The following ETFRF1 variants were observed in gnomAD, a reference collection of about 807,000 sequenced individuals.
ETFRF1 encodes the protein LYR motif containing 5.
In ETFRF1, 12 loss-of-function variants were observed where a neutral mutation model predicts 9.0. The observed-to-expected ratio is 1.34, with a 90% CI of 0.86 to 2.16. ETFRF1 has a LOEUF of 2.16. Ranked by LOEUF, ETFRF1 falls within the 30% of genes most tolerant of loss-of-function variation. ETFRF1 has a pLI of 0.00. For missense variants in ETFRF1, 98 were observed against 101.8 expected (o/e 0.96, Z 0.16); for synonymous variants, 34 against 33.2 (o/e 1.02, Z -0.08).
rs1951065775 is a variant in ETFRF1, at chr12:25,200,414, GT to G, written c.-37-3505del. On this transcript the variant is annotated intron_variant, in intron 1 of 2. Coordinates refer to ENST00000381356, the MANE Select transcript of ETFRF1 (RefSeq NM_001001660.3). ...ATTGCAAGGGCCAACTGAGTGTCCA[GT>G]ACAATGGATAAAAATAAATCCATTA... Among the ~76,000 whole-genome samples, 2 of 152,130 alleles carry G rather than the reference GT, an allele frequency of 1.3e-5. 1 individual carries two copies. The highest frequency in any genetic ancestry group is 4.1e-4 in the South Asian group (2 of 4,828).
At chr12:25,199,477 A>G (rs1468247175) in intron 1 of ETFRF1, among the ~76,000 whole-genome samples, 3 of 150,746 alleles carry the variant, frequency 2.0e-5, no homozygotes, top group Non-Finnish European at 3.0e-5. Flanking sequence ...TTGTCAATAT[A>G]TATTTTAATA....
chr12:25,203,079 A>G (rs926333739), intron 1 of ETFRF1, among the ~76,000 whole-genome samples: 2 of 152,218 alleles, frequency 1.3e-5, no homozygotes, highest in African/African-American at 4.8e-5. Flanking sequence ...TAATTTTACA[A>G]TGGACAATCT....
Position 25,203,986 on chromosome 12 carries a change from A to C in ETFRF1, c.30A>C (p.Glu10Asp). The change falls in exon 2 of 3, where the codon GAA (glutamate) becomes GAC (aspartate). Residue 10 changes from glutamate (E) to aspartate (D), a missense_variant. Glu to Asp is a conservative substitution (Grantham distance 45, BLOSUM62 2). Transcript: ENST00000381356. MKMANSLRG[E>D]VLKLYKNLLY... ...AAATGGCCAATTCTTTAAGAGGAGA[A>C]GTACTAAAACTTTATAAAAATGTAA... is the stretch of plus-strand genomic sequence containing the variant. 1.3e-6 allele frequency: 2 copies of C among 1,492,772 alleles called. No homozygotes were observed. Among genetic ancestry groups the C allele is most frequent in the South Asian group, 1.3e-5 (1 of 74,096 alleles). The allele number at this position is 1,492,772 out of a possible 1,614,324, so 92.5% of individuals were successfully genotyped here. A position where few individuals can be genotyped will look rare whatever the true frequency, so the allele number is the denominator to read the frequency against.
rs571546630 is a variant in ETFRF1, at chr12:25,197,485, CAG to C, written c.-38+2149_-38+2150del. ...GTTTTTTGTTTGTTTTGTTTTGAGA[CAG>C]GGTCTCAAAATGAATTTTGCCCAGG... On this transcript the variant is annotated intron_variant, in intron 1 of 2. Transcript: ENST00000381356. 2.6e-3 allele frequency among the ~76,000 whole-genome samples: 400 copies of C among 152,272 alleles called. 1 individual carries two copies. The highest frequency in any genetic ancestry group is 4.0e-3 in the Non-Finnish European group (274 of 68,020).
chr12:25,203,641 C>CCTAT, intron 1 of ETFRF1: 1 of 252,698 alleles, frequency 4.0e-6, no homozygotes, highest in Non-Finnish European at 7.4e-6. Flanking sequence ...GGTACACGTA[C>CCTAT]CTATCTGTGA....
intron 1 of ETFRF1, among the ~76,000 whole-genome samples, chr12:25,203,369 T>G (rs917848003): frequency 2.0e-5 from 3 of 152,210 alleles, no homozygotes; most frequent in African/African-American, 7.2e-5. Flanking sequence ...CCAATCTTAC[T>G]GCCCATCTAC....
chr12:25,202,063 C>CA lies in ETFRF1; in HGVS notation c.-37-1837dup, dbSNP rs149050811. Among the ~76,000 whole-genome samples the CA allele has an allele frequency of 8.6e-3, 452 of 52,812 alleles. 22 individuals carry two copies. Among genetic ancestry groups the CA allele is most frequent in the Middle Eastern group, 0.045 (4 of 88 alleles). 34.6% of individuals were successfully genotyped at this position (52,812 alleles called of 152,430 possible). On this transcript the variant is annotated intron_variant, in intron 1 of 2. Coordinates refer to ENST00000381356, the MANE Select transcript of ETFRF1 (RefSeq NM_001001660.3). ...GTGAAACCCCGTCTCTACTGAAATA[C>CA]AAAAAAAAAAAAAAAAAAAATTAGC...
intron 1 of ETFRF1, among the ~76,000 whole-genome samples, chr12:25,200,211 T>TA (rs137955248): frequency 4.0e-4 from 59 of 147,378 alleles, no homozygotes; most frequent in Non-Finnish European, 3.3e-4. Flanking sequence ...ACTCCATGCT[T>TA]AAAAAAAAAA....
In ETFRF1 at chr12:25,195,331, C is replaced by T; in HGVS notation, c.-44C>T. 1 of 600,464 alleles carries T rather than the reference C, an allele frequency of 1.7e-6. No homozygotes were observed. The highest frequency in any genetic ancestry group is 2.0e-5 in the South Asian group (1 of 50,566). 37.2% of individuals were successfully genotyped at this position (600,464 alleles called of 1,614,324 possible). A position where few individuals can be genotyped will look rare whatever the true frequency, so the allele number is the denominator to read the frequency against. On this transcript the variant is annotated 5_prime_UTR_variant, in exon 1 of 3. Transcript: ENST00000381356. ...TCGAGGCTTTTGCGGCTCCGGCGTG[C>T]CGGAAAGTGCGTGAGTGCCGCCGCC...
chr12:25,204,014 A>G lies in ETFRF1; in HGVS notation c.51+7A>G, dbSNP rs1301272069. ...ACTAAAACTTTATAAAAATGTAAGT[A>G]ATTATGTTGCCAATTTTATAAAAAT... On this transcript the variant is annotated splice_region_variant and intron_variant, in intron 2 of 2. Transcript: ENST00000381356. 1.3e-6 allele frequency: 2 copies of G among 1,517,334 alleles called. No homozygotes were observed. The highest frequency in any genetic ancestry group is 1.8e-6 in the Non-Finnish European group (2 of 1,132,762). 94.0% of individuals were successfully genotyped at this position (1,517,334 alleles called of 1,614,324 possible). A position where few individuals can be genotyped will look rare whatever the true frequency, so the allele number is the denominator to read the frequency against.
chr12:25,195,598 C>A (rs909820831), intron 1 of ETFRF1: 2 of 180,392 alleles, frequency 1.1e-5, no homozygotes, highest in South Asian at 1.1e-4. Flanking sequence ...GGGGATGGGG[C>A]TCATTCCGCA....
Position 25,196,676 on chromosome 12 carries a change from C to T in ETFRF1, c.-38+1339C>T, listed in dbSNP as rs1377938173. On this transcript the variant is annotated intron_variant, in intron 1 of 2. Transcript: ENST00000381356. ...GTTTTCAGAATAATAGGGGGCTTCT[C>T]TTAGTCCTTAACTCTTGGCTCTTTA... Among the ~76,000 whole-genome samples the T allele has an allele frequency of 3.3e-5, 5 of 152,216 alleles. No homozygotes were observed. In the East Asian group the frequency reaches 9.6e-4, roughly 29 times the overall value.
At chr12:25,200,763 G>C (rs1051645638) in intron 1 of ETFRF1, among the ~76,000 whole-genome samples, 6 of 152,114 alleles carry the variant, frequency 3.9e-5, no homozygotes, top group African/African-American at 1.4e-4. Flanking sequence ...ATAAAACCAG[G>C]AAATGGAACA....
chr12:25,195,817 AGTTT>A (rs1005232944), intron 1 of ETFRF1: 1 of 152,366 alleles, frequency 6.6e-6, no homozygotes, highest in Non-Finnish European at 1.5e-5. Flanking sequence ...AAGACTCATT[AGTTT>A]CCCGAGGTCA....
chr12:25,196,466 G>GT (rs1262452873), intron 1 of ETFRF1, among the ~76,000 whole-genome samples: 6 of 152,172 alleles, frequency 3.9e-5, no homozygotes, highest in Non-Finnish European at 7.3e-5. Flanking sequence ...AGCTCTCACT[G>GT]TATCTACCCC....
intron 1 of ETFRF1, among the ~76,000 whole-genome samples, chr12:25,201,183 C>A (rs1951070828): frequency 6.6e-6 from 1 of 152,196 alleles, no homozygotes; most frequent in Admixed American, 6.5e-5. Context: ...TCCTCCTTCC[C>A]ATTTTTGCTA....
intron 1 of ETFRF1, 94 bp downstream of exon 1, chr12:25,195,431 G>A (rs1011311299): frequency 8.1e-6 from 4 of 490,892 alleles, no homozygotes; most frequent in African/African-American, 5.8e-5. Context: ...CACCGGGTGT[G>A]GGAAGAGGGT....
At chr12:25,198,482 A>G (rs915832508) in intron 1 of ETFRF1, among the ~76,000 whole-genome samples, 2 of 152,186 alleles carry the variant, frequency 1.3e-5, no homozygotes, top group Non-Finnish European at 2.9e-5. Flanking sequence ...AAGAGTAGAC[A>G]GAAAAGAATG....
At chr12:25,202,970 G>A (rs1424509681) in intron 1 of ETFRF1, among the ~76,000 whole-genome samples, 1 of 152,154 alleles carries the variant, frequency 6.6e-6, no homozygotes, top group African/African-American at 2.4e-5. Flanking sequence ...ATGGTGATTA[G>A]CATTTTTAGC....
Sources: gnomAD v4.1 joint callset for allele counts (sites outside exome capture counted in the v4.1 genomes callset) on GRCh38, gnomAD v4.1.1 for gene constraint, MANE v1.5 for transcripts, NCBI Gene and HGNC (gene_info 2026-07-23, HGNC 2026-07-21) for gene names.